The following LRRC49 variants were observed in gnomAD, a reference collection of about 807,000 sequenced individuals.
The protein encoded by LRRC49 is leucine rich repeat containing 49.
A neutral mutation model predicts 83.3 loss-of-function variants in LRRC49; 50 were observed. The observed-to-expected ratio is 0.60, with a 90% CI of 0.48 to 0.76. LRRC49 has a LOEUF of 0.76. Ranked by LOEUF, LRRC49 falls within the 30% of genes least tolerant of loss-of-function variation. LRRC49 has a pLI of 0.00. For missense variants in LRRC49, 704 were observed against 809.1 expected, an observed-to-expected ratio of 0.87 and a Z score of 1.58; for synonymous variants, 286 against 283.3, an observed-to-expected ratio of 1.01 and a Z score of -0.10.
At chr15:70,881,702 CA>C (rs1432850323) in intron 2 of LRRC49, 7 of 152,092 alleles carry the variant, frequency 4.6e-5, no homozygotes, top group Non-Finnish European at 8.8e-5. Context: ...CTAACACCTG[CA>C]ATGGGAATAC....
exon 2 of LRRC49, chr15:70,873,074 G>A (rs1350835775): frequency 4.5e-5 from 31 of 693,784 alleles, no homozygotes; most frequent in Non-Finnish European, 2.0e-5. Context: ...TAGTAGAGGC[G>A]GGGTTTCACC....
intron 11 of LRRC49, among the ~76,000 whole-genome samples, chr15:70,993,562 C>G (rs1314967711): frequency 6.6e-6 from 1 of 152,186 alleles, no homozygotes; most frequent in Non-Finnish European, 1.5e-5. Context: ...AATGAAGTGA[C>G]AATTTATGTA....
At chr15:70,886,952 A>T (rs375020589) in intron 2 of LRRC49, among the ~76,000 whole-genome samples, 16 of 152,240 alleles carry the variant, frequency 1.1e-4, no homozygotes, top group African/African-American at 3.6e-4. Flanking sequence ...CTCAAACAGA[A>T]TTTTTTTCAA....
At chr15:71,013,628 G>A (rs538213367) in intron 14 of LRRC49, among the ~76,000 whole-genome samples, 5 of 152,308 alleles carry the variant, frequency 3.3e-5, no homozygotes, top group East Asian at 3.9e-4. Context: ...ACTAACTGAC[G>A]AGGTGGAGCA....
At chr15:70,904,001 G>C (rs1021315288) in intron 4 of LRRC49, among the ~76,000 whole-genome samples, 1 of 152,042 alleles carries the variant, frequency 6.6e-6, no homozygotes, top group Non-Finnish European at 1.5e-5. Flanking sequence ...GGACCACTTT[G>C]CCATTAATGG....
intron 8 of LRRC49, among the ~76,000 whole-genome samples, chr15:70,952,553 A>G (rs2036256405): frequency 6.6e-6 from 1 of 152,188 alleles, no homozygotes; most frequent in South Asian, 2.1e-4. Context: ...ATAACTGAGC[A>G]TGTAGTCAGT....
chr15:70,970,677 A>G (rs1046472154), intron 9 of LRRC49, among the ~76,000 whole-genome samples: 2 of 152,136 alleles, frequency 1.3e-5, no homozygotes, highest in Admixed American at 6.5e-5. Flanking sequence ...TTATTGGTCT[A>G]TTCAGGGATT....
intron 11 of LRRC49, among the ~76,000 whole-genome samples, chr15:71,001,892 C>T (rs1010808299): frequency 3.3e-5 from 5 of 152,110 alleles, no homozygotes; most frequent in Admixed American, 1.3e-4. Flanking sequence ...AGGGTTTCAC[C>T]TTGTTAGCCA....
chr15:70,970,211 C>A (rs2036944293), intron 9 of LRRC49, among the ~76,000 whole-genome samples: 1 of 152,084 alleles, frequency 6.6e-6, no homozygotes, highest in African/African-American at 2.4e-5. Context: ...TTATCGAAGG[C>A]CTTTTCTGCA....
intron 1 of LRRC49, among the ~76,000 whole-genome samples, chr15:70,867,476 A>T (rs752237405): frequency 1.7e-4 from 26 of 152,312 alleles, no homozygotes; most frequent in Admixed American, 4.6e-4. Context: ...CTATGACCTC[A>T]TTTAACCCTT....
chr15:70,941,431 A>G (rs1379696820), intron 8 of LRRC49, among the ~76,000 whole-genome samples: 4 of 151,730 alleles, frequency 2.6e-5, no homozygotes, highest in Non-Finnish European at 4.4e-5. Flanking sequence ...GTTTCTGAGG[A>G]CGATTTTCCA....
intron 6 of LRRC49, among the ~76,000 whole-genome samples, chr15:70,913,179 C>T (rs977478061): frequency 9.9e-5 from 15 of 152,184 alleles, no homozygotes; most frequent in African/African-American, 3.6e-4. Context: ...CGGGGAATCC[C>T]TGCCTGTTGA....
upstream of LRRC49, among the ~76,000 whole-genome samples, chr15:70,890,996 C>T (rs187510405): frequency 2.0e-5 from 3 of 152,264 alleles, no homozygotes; most frequent in East Asian, 5.8e-4. Flanking sequence ...TAAATACCCA[C>T]CCCAATGTAG....
At chr15:70,949,831 G>A (rs2036150082) in intron 8 of LRRC49, among the ~76,000 whole-genome samples, 1 of 151,946 alleles carries the variant, frequency 6.6e-6, no homozygotes, top group African/African-American at 2.4e-5. Context: ...AAAATTTTAA[G>A]TTCGGGGCTA....
chr15:71,032,696 G>T (rs554924113), intron 14 of LRRC49, among the ~76,000 whole-genome samples: 70 of 152,236 alleles, frequency 4.6e-4, no homozygotes, highest in Middle Eastern at 3.4e-3. Flanking sequence ...GGGATGCAAG[G>T]TTGGTTCAAC....
intron 2 of LRRC49, among the ~76,000 whole-genome samples, chr15:70,894,194 T>A (rs1429325337): frequency 1.3e-5 from 2 of 152,162 alleles, no homozygotes; most frequent in African/African-American, 4.8e-5. Flanking sequence ...CCGCACCCAG[T>A]GATATTTACA....
intron 6 of LRRC49, among the ~76,000 whole-genome samples, chr15:70,917,610 C>T (rs1039062520): frequency 6.6e-6 from 1 of 152,176 alleles, no homozygotes; most frequent in Non-Finnish European, 1.5e-5. Context: ...GCTGCCCTTT[C>T]TGCTGATAGC....
chr15:70,919,229 G>T, intron 7 of LRRC49, 36 bp downstream of exon 7: 5 of 1,531,616 alleles, frequency 3.3e-6, no homozygotes, highest in Non-Finnish European at 4.4e-6. Context: ...GTACTTTGTG[G>T]CTTTCTTTCA....
chr15:70,934,866 G>A (rs533125152), intron 7 of LRRC49, among the ~76,000 whole-genome samples: 54 of 152,276 alleles, frequency 3.5e-4, no homozygotes, highest in African/African-American at 1.2e-3. Context: ...GTAGATTCCA[G>A]GAAGAATCTG....
Sources: gnomAD v4.1 joint callset for allele counts (sites outside exome capture counted in the v4.1 genomes callset) on GRCh38, gnomAD v4.1.1 for gene constraint, MANE v1.5 for transcripts, NCBI Gene and HGNC (gene_info 2026-07-23, HGNC 2026-07-21) for gene names.